Variants in MAP4K1 observed in about 807,000 individuals in gnomAD.
MAP4K1 encodes the protein MAPK/ERK kinase kinase kinase 1.
Under a neutral mutation model 122.8 loss-of-function variants are expected in MAP4K1, and 35 were observed. The ratio of observed to expected loss-of-function variants is 0.29; its 90% confidence interval spans 0.22 to 0.38. MAP4K1 has a LOEUF of 0.38. MAP4K1 is among the 10% of genes least tolerant of loss of function. MAP4K1 has a pLI of 1.00. For missense variants in MAP4K1, 791 were observed against 1,072.6 expected (o/e 0.74, Z 3.67); for synonymous variants, 412 against 421.3 (o/e 0.98, Z 0.27).
At chr19:38,615,545 C>G (rs1403379136) in intron 4 of MAP4K1, among the ~76,000 whole-genome samples, 1 of 151,886 alleles carries the variant, frequency 6.6e-6, no homozygotes, top group Non-Finnish European at 1.5e-5. Context: ...CAGAGGGTAA[C>G]GAGGTAAGAA....
chr19:38,596,125 C>A, intron 26 of MAP4K1, 124 bp from the exon 27 acceptor site: 3 of 1,312,710 alleles, frequency 2.3e-6, no homozygotes, highest in Admixed American at 1.8e-5. Context: ...GGCTAAACCC[C>A]GCCCACCATC....
At position 38,609,674 on chromosome 19, in the gene MAP4K1, G is replaced by A. The variant is rs774230964; in HGVS notation, c.928C>T (p.Leu310=). 1 of 1,611,438 alleles carries A rather than the reference G, an allele frequency of 6.2e-7. No homozygotes were observed. The highest frequency in any genetic ancestry group is 1.7e-5 in the Admixed American group (1 of 59,786). ...IGDIEDEEPE[L]PPAIPRRIRS... The stretch of plus-strand genomic sequence containing the variant: ...ATCCGCCGAGGGATAGCAGGGGGTA[G>A]CTGGGCAGAGGGGCAGCCACGTCAG... The change falls in exon 13 of 31, where the codon CTA becomes TTA. Residue 310 remains leucine (L), a splice_region_variant and synonymous_variant. Transcript: ENST00000396857.
intron 30 of MAP4K1, 146 bp downstream of exon 30, chr19:38,593,136 C>G (rs1974775952): frequency 1.5e-6 from 1 of 646,686 alleles, no homozygotes; most frequent in Admixed American, 3.3e-5. Flanking sequence ...GTGCAGAGAA[C>G]AGACTCTAGG....
intron 22 of MAP4K1, among the ~76,000 whole-genome samples, chr19:38,599,635 C>T (rs1159218988): frequency 1.3e-5 from 2 of 151,866 alleles, no homozygotes; most frequent in African/African-American, 4.8e-5. Context: ...GCGCTCCAGC[C>T]TGAGTGACAG....
chr19:38,602,104 C>T (rs764171106), intron 19 of MAP4K1, among the ~76,000 whole-genome samples: 2 of 151,952 alleles, frequency 1.3e-5, no homozygotes, highest in African/African-American at 4.8e-5. Context: ...GAGATGGAGT[C>T]TCACTCTGTT....
intron 30 of MAP4K1, among the ~76,000 whole-genome samples, chr19:38,588,572 A>G (rs1345821306): frequency 1.3e-5 from 2 of 151,566 alleles, no homozygotes; most frequent in Non-Finnish European, 2.9e-5. Flanking sequence ...AACACGGTGA[A>G]ACCCCATCTC....
chr19:38,589,943 CTGAT>C (rs1974655095), intron 30 of MAP4K1, among the ~76,000 whole-genome samples: 2 of 151,714 alleles, frequency 1.3e-5, no homozygotes, highest in African/African-American at 4.8e-5. Flanking sequence ...GGTGGGAGGA[CTGAT>C]TGAACCCAGG....
intron 22 of MAP4K1, among the ~76,000 whole-genome samples, chr19:38,598,257 C>T (rs923575928): frequency 6.6e-6 from 1 of 152,044 alleles, no homozygotes; most frequent in African/African-American, 2.4e-5. Flanking sequence ...TCTCGAACTA[C>T]TGACCTCAGG....
rs1008668672 is a variant in MAP4K1, at chr19:38,594,981, C to G, written c.2340+504G>C. 4.6e-5 allele frequency among the ~76,000 whole-genome samples: 7 copies of G among 151,280 alleles called. No individual in the cohort carries two copies. The East Asian group carries it at 1.2e-3, about 25-fold the overall frequency. On this transcript the variant is annotated intron_variant, in intron 29 of 30. Coordinates refer to ENST00000396857, the MANE Select transcript of MAP4K1 (RefSeq NM_001042600.3). ...TTTATCTATCTATCTATCTATCTATCTATCTATCTATCTATAAAATAGGCC... is the reference window on the plus strand; with the variant it reads ...TTTATCTATCTATCTATCTATCTATGTATCTATCTATCTATAAAATAGGCC...
At chr19:38,608,818 A>C (rs1011447015) in intron 13 of MAP4K1, among the ~76,000 whole-genome samples, 5 of 148,794 alleles carry the variant, frequency 3.4e-5, no homozygotes, top group Non-Finnish European at 7.4e-5. Flanking sequence ...AAAAAAAAAA[A>C]AAAAAAAAAA....
At chr19:38,604,917 C>T (rs1464957446) in intron 19 of MAP4K1, among the ~76,000 whole-genome samples, 1 of 151,290 alleles carries the variant, frequency 6.6e-6, no homozygotes, top group African/African-American at 2.4e-5. Flanking sequence ...TGAAACCCCA[C>T]CTCTACTAAA....
chr19:38,593,288 G>T lies in MAP4K1; in HGVS notation c.2390C>A (p.Ser797Tyr), dbSNP rs1333471276. The change falls in exon 30 of 31, where the codon TCC becomes TAC. Residue 797 changes from serine to tyrosine, a missense_variant. This residue lies in a region of MAP4K1 where 267 missense variants were observed against 323.0 expected (regional missense o/e 0.83). Coordinates refer to ENST00000396857, the MANE Select transcript of MAP4K1 (RefSeq NM_001042600.3). ...DPTLTFRLLG[S>Y]PRPVVVETRP... ...ACCCCACCCCACAACATACCTGGGGGAGCCAAGCAGACGGAAAGTGAGGGT... is the reference window on the plus strand; with the variant it reads ...ACCCCACCCCACAACATACCTGGGGTAGCCAAGCAGACGGAAAGTGAGGGT... 1.2e-6 allele frequency: 2 copies of T among 1,611,932 alleles called. No individual in the cohort carries two copies. The highest frequency in any genetic ancestry group is 1.7e-6 in the Non-Finnish European group (2 of 1,179,058).
chr19:38,600,448 C>T (rs1052356536), intron 20 of MAP4K1, among the ~76,000 whole-genome samples: 11 of 152,188 alleles, frequency 7.2e-5, no homozygotes, highest in Non-Finnish European at 1.3e-4. Flanking sequence ...CAAAATAGTC[C>T]TCTGATTTCC....
chr19:38,594,280 A>T (rs887572079), intron 29 of MAP4K1, among the ~76,000 whole-genome samples: 2 of 151,826 alleles, frequency 1.3e-5, no homozygotes, highest in African/African-American at 4.8e-5. Context: ...CCAGAAAGTC[A>T]AGGCTACAGC....
In MAP4K1 at chr19:38,595,643, C is replaced by A; in HGVS notation, c.2266G>T (p.Val756Leu). ...EIPMTEAVEA[V>L]AMVGGQLQAF... ...GCTCTCCCGTCCCTGCACAGACCCA[C>A]GGCCTCCACCGCTTCGGTCATGGGG... The change falls in exon 28 of 31, where the codon GTG becomes TTG. Residue 756 changes from valine to leucine, a missense_variant. Physicochemically the swap from Val to Leu is conservative, Grantham distance 32. This residue lies in a region of MAP4K1 where 267 missense variants were observed against 323.0 expected (regional missense o/e 0.83). Transcript: ENST00000396857. The A allele has an allele frequency of 6.2e-7, 1 of 1,613,680 alleles. No homozygotes were observed. Among genetic ancestry groups the A allele is most frequent in the Non-Finnish European group, 8.5e-7 (1 of 1,179,694 alleles).
intron 16 of MAP4K1, among the ~76,000 whole-genome samples, chr19:38,606,728 A>C (rs1975340110): frequency 6.6e-6 from 1 of 152,186 alleles, no homozygotes; most frequent in South Asian, 2.1e-4. Context: ...AAAAAAGACT[A>C]ATAACAGTAA....
rs762406774 is a variant in MAP4K1, at chr19:38,609,942, G to A, written c.894C>T (p.Pro298=). ...LDKLKNPGKG[P]SIGDIEDEEP... ...CCTCATCCTCAATGTCCCCAATGGA[G>A]GGTCCTTTCCCGGGATTCTTCAGTT... The change falls in exon 12 of 31, where the codon CCC becomes CCT. Residue 298 remains proline, a synonymous_variant. Transcript: ENST00000396857. The A allele has an allele frequency of 6.2e-7, 1 of 1,614,204 alleles. No homozygotes were observed. Among genetic ancestry groups the A allele is most frequent in the Non-Finnish European group, 8.5e-7 (1 of 1,180,020 alleles).
chr19:38,593,369 G>C, intron 29 of MAP4K1, 32 bp from the exon 30 acceptor site: 1 of 1,575,256 alleles, frequency 6.3e-7, no homozygotes, highest in Non-Finnish European at 8.7e-7. Flanking sequence ...CTCAGTGCCT[G>C]GAAGATACCT....
chr19:38,589,875 C>A (rs1208844705), intron 30 of MAP4K1, among the ~76,000 whole-genome samples: 1 of 151,856 alleles, frequency 6.6e-6, no homozygotes. Context: ...ACAAAAAATA[C>A]GAAAATAAGC....
Sources: allele counts gnomAD v4.1 joint callset (sites outside exome capture counted in the v4.1 genomes callset), GRCh38; gene constraint gnomAD v4.1.1; regional missense constraint gnomAD v4.1.1; transcripts MANE v1.5; gene names NCBI Gene and HGNC (gene_info 2026-07-23, HGNC 2026-07-21).